LRBA: variants seen among roughly 807,000 people sequenced by gnomAD.
LRBA encodes the protein LPS responsive beige-like anchor protein.
A neutral mutation model predicts 330.0 loss-of-function variants in LRBA; 176 were observed. The ratio of observed to expected loss-of-function variants is 0.53; its 90% CI spans 0.47 to 0.60. The LOEUF (loss-of-function observed/expected upper bound fraction) is 0.60, where lower values mean the gene tolerates loss of function less well. Ranked by LOEUF, LRBA falls within the 20% of genes least tolerant of loss-of-function variation. The pLI is 0.00. For synonymous variants in LRBA, 1,230 were observed against 1,193.0 expected (o/e 1.03, Z -0.64); for missense variants, 3,259 against 3,444.8 (o/e 0.95, Z 1.35).
intron 43 of LRBA, among the ~76,000 whole-genome samples, chr4:150,471,138 T>C (rs1400597915): frequency 6.6e-6 from 1 of 152,200 alleles, no homozygotes; most frequent in Non-Finnish European, 1.5e-5. Flanking sequence ...ATATACAGTA[T>C]ATACATAGAT....
chr4:150,765,209 GA>G (rs1490496427), intron 34 of LRBA, among the ~76,000 whole-genome samples: 1 of 152,000 alleles, frequency 6.6e-6, no homozygotes, highest in African/African-American at 2.4e-5. Flanking sequence ...TGACATTTTG[GA>G]AAAGGCAAAA....
chr4:150,692,732 CA>C (rs1235817632), intron 36 of LRBA, among the ~76,000 whole-genome samples: 2 of 152,070 alleles, frequency 1.3e-5, no homozygotes, highest in Admixed American at 1.3e-4. Context: ...AGAATAGACT[CA>C]ATTCTTTTAA....
At chr4:150,785,343 CG>C (rs747970092) in intron 34 of LRBA, among the ~76,000 whole-genome samples, 2 of 152,150 alleles carry the variant, frequency 1.3e-5, no homozygotes, top group Non-Finnish European at 1.5e-5. Flanking sequence ...ATGTTATTTT[CG>C]AGAGTATTTG....
chr4:150,755,444 T>C (rs546597295), intron 35 of LRBA, among the ~76,000 whole-genome samples: 28 of 152,284 alleles, frequency 1.8e-4, no homozygotes, highest in African/African-American at 6.3e-4. Context: ...AAAAGTAAAG[T>C]TGTAAGAGGC....
intron 36 of LRBA, among the ~76,000 whole-genome samples, chr4:150,708,229 A>T (rs1785828772): frequency 6.6e-6 from 1 of 151,872 alleles, no homozygotes; most frequent in Admixed American, 6.6e-5. Flanking sequence ...CTGCTACAAT[A>T]ACTTACTCTC....
intron 37 of LRBA, among the ~76,000 whole-genome samples, chr4:150,625,907 G>C (rs965046551): frequency 6.6e-6 from 1 of 151,300 alleles, no homozygotes; most frequent in Non-Finnish European, 1.5e-5. Context: ...ACAGGGTTTC[G>C]CCATGTTGGC....
intron 40 of LRBA, among the ~76,000 whole-genome samples, chr4:150,512,759 G>A (rs1761965658): frequency 1.3e-5 from 2 of 148,782 alleles, no homozygotes; most frequent in Admixed American, 6.7e-5. Context: ...TCCTTGTTCT[G>A]CAGTGAATTA....
chr4:150,542,653 A>C (rs980771521), intron 40 of LRBA, among the ~76,000 whole-genome samples: 2 of 152,210 alleles, frequency 1.3e-5, no homozygotes, highest in Admixed American at 1.3e-4. Context: ...CAATAAAGGA[A>C]AGTTAATATA....
In LRBA at chr4:150,282,431, G is replaced by A; in HGVS notation, c.8316+19C>T. On this transcript the variant is annotated intron_variant, in intron 55 of 56. Coordinates refer to ENST00000651943, the MANE Select transcript of LRBA (RefSeq NM_001364905.1). The stretch of plus-strand genomic sequence containing the variant: ...TGAGGTAAAAGTCGTGAATGCTGAA[G>A]AGTCCCCAGGGCACTCACTCTTATG... The A allele has an allele frequency of 6.2e-7, 1 of 1,605,922 alleles. No individual in the cohort carries two copies. The highest frequency in any genetic ancestry group is 8.5e-7 in the Non-Finnish European group (1 of 1,176,278).
intron 2 of LRBA, among the ~76,000 whole-genome samples, chr4:150,949,214 G>A (rs111389739): frequency 4.6e-5 from 7 of 152,022 alleles, no homozygotes; most frequent in Non-Finnish European, 4.4e-5. Context: ...ACAGCTAAAT[G>A]GTTAAACAAA....
At chr4:150,767,538 T>C (rs529757238) in intron 34 of LRBA, among the ~76,000 whole-genome samples, 68 of 151,476 alleles carry the variant, frequency 4.5e-4, no homozygotes, top group African/African-American at 1.4e-3. Context: ...GGCAGGCAGA[T>C]CACGAGGTCA....
chr4:150,759,589 C>T (rs1166752012), intron 35 of LRBA, among the ~76,000 whole-genome samples: 1 of 152,142 alleles, frequency 6.6e-6, no homozygotes, highest in African/African-American at 2.4e-5. Flanking sequence ...ACCTTTTTTA[C>T]TTCCTTCAAA....
At chr4:150,985,518 A>G (rs1741352837) in intron 2 of LRBA, among the ~76,000 whole-genome samples, 1 of 149,966 alleles carries the variant, frequency 6.7e-6, no homozygotes, top group Non-Finnish European at 1.5e-5. Flanking sequence ...TTTTTAATTG[A>G]GATGGAGTCT....
In LRBA at chr4:151,014,727, A is replaced by G. The variant is rs2149682558; in HGVS notation, c.-85T>C. On this transcript the variant is annotated 5_prime_UTR_variant, in exon 2 of 57. Transcript: ENST00000651943. ...TAATGAGCACAACACACGCAATGCAAAACGAAAGGGTCCCTCTTCCAACTT... is the reference window on the plus strand; with the variant it reads ...TAATGAGCACAACACACGCAATGCAGAACGAAAGGGTCCCTCTTCCAACTT... 3 of 863,596 alleles carry G rather than the reference A, an allele frequency of 3.5e-6. No homozygotes were observed. The East Asian group carries it at 8.0e-5, about 23-fold the overall frequency. The allele number at this position is 863,596 out of a possible 1,614,324, so 53.5% of individuals were successfully genotyped here. A position where few individuals can be genotyped will look rare whatever the true frequency, so the allele number is the denominator to read the frequency against.
intron 37 of LRBA, among the ~76,000 whole-genome samples, chr4:150,682,524 G>C (rs945263477): frequency 2.0e-5 from 3 of 152,144 alleles, no homozygotes; most frequent in South Asian, 4.2e-4. Flanking sequence ...AATATTCTTT[G>C]TAATAAATAT....
chr4:150,302,816 T>C (rs1336542344), intron 52 of LRBA, 24 bp from the exon 53 acceptor site: 1 of 1,529,972 alleles, frequency 6.5e-7, no homozygotes, highest in Non-Finnish European at 8.8e-7. Context: ...CAATTTTCTT[T>C]AAAAATGCTA....
intron 18 of LRBA, among the ~76,000 whole-genome samples, chr4:150,872,396 C>T (rs1753542874): frequency 6.6e-6 from 1 of 152,078 alleles, no homozygotes; most frequent in Non-Finnish European, 1.5e-5. Flanking sequence ...AATCAAGTCT[C>T]CATAGCTTCT....
intron 53 of LRBA, among the ~76,000 whole-genome samples, chr4:150,290,331 G>A (rs1360627055): frequency 6.6e-6 from 1 of 152,128 alleles, no homozygotes; most frequent in Non-Finnish European, 1.5e-5. Flanking sequence ...AAAATCTTCT[G>A]AAAAATATCA....
rs748993188 is a variant in LRBA at position 150,302,672 on chromosome 4, A to G, written c.7970T>C (p.Leu2657Pro). Reference sequence around the variant, plus strand: ...ACTGCATTTTCCATTCCAATACCACAGCAAAAGAGTTGCATCACGTGACCC... The same window carrying G: ...ACTGCATTTTCCATTCCAATACCACGGCAAAAGAGTTGCATCACGTGACCC... ...LSGSRDATLLLWYWNGKCSGI... is the reference protein window; with the variant it reads ...LSGSRDATLLPWYWNGKCSGI... The change falls in exon 53 of 57, where the codon CTG (leucine) becomes CCG (proline). Residue 2657 changes from leucine (L) to proline (P), a missense_variant. By Grantham distance (98) the Leu-to-Pro change is moderately conservative. Transcript: ENST00000651943. 2.5e-6 allele frequency: 4 copies of G among 1,613,114 alleles called. No homozygotes were observed. The highest frequency in any genetic ancestry group is 2.5e-6 in the Non-Finnish European group (3 of 1,179,382).
Sources: allele counts gnomAD v4.1 joint callset (sites outside exome capture counted in the v4.1 genomes callset), GRCh38; gene constraint gnomAD v4.1.1; transcripts MANE v1.5; gene names NCBI Gene and HGNC (gene_info 2026-07-23, HGNC 2026-07-21).